EXOC3: variants seen among roughly 807,000 people sequenced by gnomAD.
EXOC3 encodes the protein SEC6-like 1.
Under a neutral mutation model 73.7 loss-of-function variants are expected in EXOC3, and 21 were observed. The ratio of observed to expected loss-of-function variants is 0.29; its 90% confidence interval spans 0.20 to 0.41. EXOC3 has a LOEUF of 0.41. Ranked by LOEUF, EXOC3 falls within the 10% of genes least tolerant of loss-of-function variation. The pLI, the probability that EXOC3 is intolerant of heterozygous loss-of-function variation, is 1.00. For missense variants in EXOC3, 842 were observed against 985.1 expected (o/e 0.85, Z 1.95); for synonymous variants, 410 against 389.1 (o/e 1.05, Z -0.63).
intron 7 of EXOC3, 105 bp downstream of exon 7, chr5:459,564 C>A: frequency 1.7e-6 from 1 of 571,618 alleles, no homozygotes; most frequent in Non-Finnish European, 3.1e-6. Context: ...AGAAATTAAG[C>A]CGGTAGATTC....
intron 7 of EXOC3, 39 bp from the exon 8 acceptor site, chr5:461,921 G>A: frequency 7.0e-7 from 1 of 1,428,798 alleles, no homozygotes; most frequent in Non-Finnish European, 9.7e-7. Context: ...GCTCCATGTT[G>A]CCCTTAGTGC....
At chr5:463,494 T>C (rs932255155) in intron 9 of EXOC3, among the ~76,000 whole-genome samples, 1 of 152,076 alleles carries the variant, frequency 6.6e-6, no homozygotes, top group Non-Finnish European at 1.5e-5. Flanking sequence ...GCCGGAGACG[T>C]GGATGCTGTT....
At chr5:454,155 C>A in intron 4 of EXOC3, 104 bp downstream of exon 4, 2 of 963,596 alleles carry the variant, frequency 2.1e-6, no homozygotes, top group Non-Finnish European at 3.0e-6. Context: ...TTGCTCTGGG[C>A]AGGTGCTCCG....
At chr5:446,792 G>A (rs1474210715) in intron 2 of EXOC3, among the ~76,000 whole-genome samples, 1 of 152,184 alleles carries the variant, frequency 6.6e-6, no homozygotes, top group East Asian at 1.9e-4. Context: ...AGGAGGCAGA[G>A]GTTGCGGTGA....
Position 453,938 on chromosome 5 carries a change from C to A in EXOC3, c.933C>A (p.Leu311=). The change falls in exon 4 of 13, where the codon CTC becomes CTA. Residue 311 remains leucine, a synonymous_variant. Coordinates refer to ENST00000512944, the MANE Select transcript of EXOC3 (RefSeq NM_007277.5). The part of the protein sequence containing the change: ...FPPHYEIFKN[L]LNMYHQALST... ...CCCACTATGAGATCTTTAAGAACCT[C>A]CTGAACATGTACCACCAAGCCCTGA... 6.2e-7 allele frequency: 1 copy of A among 1,614,016 alleles called. No homozygotes were observed. Among genetic ancestry groups the A allele is most frequent in the South Asian group, 1.1e-5 (1 of 91,086 alleles).
In EXOC3 at chr5:466,754, T is replaced by C; in HGVS notation, c.2094T>C (p.Ala698=). The C allele has an allele frequency of 1.9e-6, 3 of 1,613,082 alleles. No individual in the cohort carries two copies. Among genetic ancestry groups the C allele is most frequent in the Non-Finnish European group, 2.5e-6 (3 of 1,179,750 alleles). The change falls in exon 13 of 13, where the codon GCT becomes GCC. Residue 698 remains alanine, a synonymous_variant. Coordinates refer to ENST00000512944, the MANE Select transcript of EXOC3 (RefSeq NM_007277.5). Reference sequence around the variant, plus strand: ...ATGACCACATCGGTGCGCTGCTGGCTGTGCGTGGGGACGCCAGCCGTGACA... The same window carrying C: ...ATGACCACATCGGTGCGCTGCTGGCCGTGCGTGGGGACGCCAGCCGTGACA... ...IRDDHIGALL[A]VRGDASRDMK... is the part of the protein sequence containing the mutation.
intron 7 of EXOC3, among the ~76,000 whole-genome samples, chr5:461,006 A>G (rs1269684797): frequency 6.6e-6 from 1 of 152,232 alleles, no homozygotes; most frequent in East Asian, 1.9e-4. Context: ...CAGTAAGTTT[A>G]AAAATAGAGC....
At chr5:457,098 C>A in intron 5 of EXOC3, 92 bp downstream of exon 5, 1 of 868,512 alleles carries the variant, frequency 1.2e-6, no homozygotes, top group Non-Finnish European at 1.9e-6. Flanking sequence ...GGGGGAAATG[C>A]CTTAGCGTTG....
intron 1 of EXOC3, among the ~76,000 whole-genome samples, chr5:445,700 G>A (rs1337861305): frequency 6.6e-6 from 1 of 152,186 alleles, no homozygotes; most frequent in Non-Finnish European, 1.5e-5. Context: ...CTTGTGCTGG[G>A]CCTCCAGCTG....
At chr5:457,808 A>C in intron 5 of EXOC3, 92 bp from the exon 6 acceptor site, 8 of 1,369,972 alleles carry the variant, frequency 5.8e-6, no homozygotes, top group Non-Finnish European at 7.0e-6. Flanking sequence ...TGGTTTGTGG[A>C]GCTTGTGCAT....
rs531111590 is a variant in EXOC3, at chr5:465,499, C to T, written c.1939-219C>T. 1.8e-4 allele frequency among the ~76,000 whole-genome samples: 27 copies of T among 152,362 alleles called. No homozygotes were observed. The East Asian group carries it at 3.9e-3, about 22-fold the overall frequency. ...AGGCCGCCCACAGCTCCCTGACGGA[C>T]GCTTCCCAGTCTGTCCTGCGCTGCG... On this transcript the variant is annotated intron_variant, in intron 11 of 12. Coordinates refer to ENST00000512944, the MANE Select transcript of EXOC3 (RefSeq NM_007277.5).
chr5:457,249 A>G (rs1367464949), intron 5 of EXOC3: 2 of 515,430 alleles, frequency 3.9e-6, no homozygotes, highest in Non-Finnish European at 7.1e-6. Context: ...CCTGTGCCCT[A>G]CTCGGCAGGC....
chr5:447,514 G>T lies in EXOC3; in HGVS notation c.145-19G>T. 3 of 1,522,898 alleles carry T rather than the reference G, an allele frequency of 2.0e-6. No individual in the cohort carries two copies. The highest frequency in any genetic ancestry group is 2.7e-6 in the Non-Finnish European group (3 of 1,126,756). 94.3% of individuals were successfully genotyped at this position (1,522,898 alleles called of 1,614,324 possible). On this transcript the variant is annotated intron_variant, in intron 2 of 12. Coordinates refer to ENST00000512944, the MANE Select transcript of EXOC3 (RefSeq NM_007277.5). The stretch of plus-strand genomic sequence containing the variant: ...TGGCTATCATTGGCTCTGCTCACCC[G>T]TGTGGCGTCTCTCTTTAGGCCGCCA...
intron 3 of EXOC3, among the ~76,000 whole-genome samples, chr5:448,869 C>T (rs895110616): frequency 1.3e-5 from 2 of 152,250 alleles, no homozygotes; most frequent in Non-Finnish European, 2.9e-5. Context: ...CAGTCCGTGT[C>T]TCTTTGTGCA....
intron 12 of EXOC3, chr5:466,511 G>T: frequency 1.8e-6 from 1 of 550,626 alleles, no homozygotes; most frequent in African/African-American, 1.9e-5. Flanking sequence ...TATAAAAGCA[G>T]TGTTGAAAAA....
In EXOC3 at chr5:443,296, T is replaced by A; in HGVS notation, c.-57+6T>A. 6.6e-6 allele frequency: 1 copy of A among 151,270 alleles called. No individual in the cohort carries two copies. The highest frequency in any genetic ancestry group is 1.5e-5 in the Non-Finnish European group (1 of 67,886). The allele number at this position is 151,270 out of a possible 1,614,324, so 9.4% of individuals were successfully genotyped here. On this transcript the variant is annotated splice_donor_region_variant and intron_variant, in intron 1 of 12. Transcript: ENST00000512944. The stretch of plus-strand genomic sequence containing the variant: ...CGGCGGCGTAGCCGTAGAGGGTGAG[T>A]CGGTGGCAGGTCCTGACGGCCGGCG...
chr5:466,614 G>T, intron 12 of EXOC3, 113 bp from the exon 13 acceptor site: 2 of 987,014 alleles, frequency 2.0e-6, no homozygotes, highest in Non-Finnish European at 2.9e-6. Context: ...TGTCTGCAGC[G>T]GTCCTCACCC....
Position 462,139 on chromosome 5 carries a change from T to C in EXOC3, c.1503-18T>C. The C allele has an allele frequency of 6.2e-7, 1 of 1,613,558 alleles. No homozygotes were observed. The highest frequency in any genetic ancestry group is 8.5e-7 in the Non-Finnish European group (1 of 1,179,654). ...GCCTGCCCAGCCGCTGTGTTGAACC[T>C]GAACCCTTTCCTTGCAGGGAATCCA... is the stretch of plus-strand genomic sequence containing the variant. On this transcript the variant is annotated intron_variant, in intron 8 of 12. Coordinates refer to ENST00000512944, the MANE Select transcript of EXOC3 (RefSeq NM_007277.5).
intron 11 of EXOC3, 89 bp downstream of exon 11, chr5:465,361 G>C: frequency 1.1e-5 from 16 of 1,411,622 alleles, no homozygotes; most frequent in Non-Finnish European, 1.5e-5. Context: ...CAGTAGATGG[G>C]AGTGTGTCGT....
Sources: allele counts gnomAD v4.1 joint callset (sites outside exome capture counted in the v4.1 genomes callset), GRCh38; gene constraint gnomAD v4.1.1; transcripts MANE v1.5; gene names NCBI Gene and HGNC (gene_info 2026-07-23, HGNC 2026-07-21).